The following ZNF286A variants were observed in gnomAD, a reference collection of about 807,000 sequenced individuals.
The protein encoded by ZNF286A is zinc finger protein ZNF286.
Under a neutral mutation model 49.3 loss-of-function variants are expected in ZNF286A, and 34 were observed. That is an observed-to-expected ratio of 0.69 (90% CI 0.52 to 0.92). The LOEUF (loss-of-function observed/expected upper bound fraction) is 0.92, where lower values mean the gene tolerates loss of function less well. Ranked by LOEUF, ZNF286A falls within the 40% of genes least tolerant of loss-of-function variation. The probability of loss-of-function intolerance (pLI) is 0.00; values close to 1 mark genes in which losing one functional copy is unlikely to be tolerated. For missense variants in ZNF286A, 462 were observed against 600.2 expected (o/e 0.77, Z 2.41); for synonymous variants, 155 against 200.4 (o/e 0.77, Z 1.91).
At chr17:15,704,043 A>ATAAT (rs1989987517) in intron 3 of ZNF286A, among the ~76,000 whole-genome samples, 1 of 148,508 alleles carries the variant, frequency 6.7e-6, no homozygotes. Flanking sequence ...TCTTAAGGGA[A>ATAAT]TAATTCTCTT....
intron 5 of ZNF286A, 99 bp from the exon 6 acceptor site, chr17:15,715,960 A>G (rs776105608): frequency 6.4e-7 from 1 of 1,551,910 alleles, no homozygotes; most frequent in Admixed American, 2.0e-5. Context: ...TGCTCCTTGA[A>G]GGCATGCTTT....
chr17:15,704,069 T>TTA (rs1567703705), intron 3 of ZNF286A, among the ~76,000 whole-genome samples: 29 of 69,178 alleles, frequency 4.2e-4, no homozygotes, highest in African/African-American at 1.0e-3. Flanking sequence ...TATTATTATT[T>TTA]TTTTTTTTTT....
chr17:15,701,721 C>T (rs1989788758), intron 3 of ZNF286A, among the ~76,000 whole-genome samples: 1 of 152,178 alleles, frequency 6.6e-6, no homozygotes, highest in African/African-American at 2.4e-5. Flanking sequence ...TAAAGAGTTA[C>T]AGTTAGAATC....
chr17:15,717,490 C>A lies in ZNF286A; in HGVS notation c.*200C>A, dbSNP rs1004577471. 3.1e-6 allele frequency: 3 copies of A among 971,938 alleles called. No homozygotes were observed. The highest frequency in any genetic ancestry group is 3.4e-5 in the Admixed American group (1 of 29,804). 60.2% of individuals were successfully genotyped at this position (971,938 alleles called of 1,614,324 possible). The stretch of plus-strand genomic sequence containing the variant: ...TTTGATAATTATGAAATCTAGCCAG[C>A]GATTTCAAAATTTTAATCTCCAACG... On this transcript the variant is annotated 3_prime_UTR_variant, in exon 6 of 6. Transcript: ENST00000583566.
At chr17:15,709,491 CA>C (rs1185763484) in intron 5 of ZNF286A, among the ~76,000 whole-genome samples, 4 of 144,280 alleles carry the variant, frequency 2.8e-5, no homozygotes, top group Non-Finnish European at 3.0e-5. Context: ...GACTGTGTCT[CA>C]AAAAAAAAAC....
chr17:15,704,484 C>T, intron 3 of ZNF286A: 1 of 1,613,840 alleles, frequency 6.2e-7, no homozygotes, highest in Admixed American at 1.7e-5. Context: ...CCTCGGAGTT[C>T]TCCAAGAGCA....
intron 3 of ZNF286A, chr17:15,704,929 C>G (rs890598645): frequency 1.6e-5 from 25 of 1,567,240 alleles, no homozygotes; most frequent in Non-Finnish European, 2.1e-5. Flanking sequence ...GCGGGTCCCC[C>G]CGGCCCCCTT....
intron 3 of ZNF286A, chr17:15,704,262 C>T (rs1171686249): frequency 7.6e-5 from 122 of 1,606,158 alleles, no homozygotes; most frequent in Non-Finnish European, 1.0e-4. Context: ...GCTTCTTGTC[C>T]GTCTTTTTCT....
intron 5 of ZNF286A, among the ~76,000 whole-genome samples, chr17:15,715,152 CTCCCATGT>C (rs941028939): frequency 6.6e-6 from 1 of 151,938 alleles, no homozygotes; most frequent in Non-Finnish European, 1.5e-5. Flanking sequence ...TCTGCCCTCT[CTCCCATGT>C]TCTGATGTTT....
intron 3 of ZNF286A, among the ~76,000 whole-genome samples, chr17:15,702,858 C>G (rs1653330706): frequency 6.6e-6 from 1 of 152,372 alleles, no homozygotes; most frequent in East Asian, 1.9e-4. Flanking sequence ...AGGGCTCAAA[C>G]AAGAATGTTA....
At chr17:15,705,822 A>C (rs972599009) in intron 3 of ZNF286A, among the ~76,000 whole-genome samples, 12 of 152,172 alleles carry the variant, frequency 7.9e-5, no homozygotes, top group Non-Finnish European at 1.8e-4. Context: ...TTTATACCTA[A>C]ATATTTATGA....
chr17:15,714,965 A>G (rs958023241), intron 5 of ZNF286A, among the ~76,000 whole-genome samples: 2 of 151,892 alleles, frequency 1.3e-5, no homozygotes, highest in African/African-American at 2.4e-5. Context: ...CCACCTTCAT[A>G]TTATCTTTAA....
In ZNF286A at chr17:15,715,431, A is replaced by G. The variant is rs537338702; in HGVS notation, c.335-628A>G. On this transcript the variant is annotated intron_variant, in intron 5 of 5. Transcript: ENST00000583566. ...ATTGTTTGTATCCACTATATGTTCA[A>G]TCATTTCTGTATAGTAGGATATGTG... Among the ~76,000 whole-genome samples, 3 of 152,178 alleles carry G rather than the reference A, an allele frequency of 2.0e-5. No homozygotes were observed. In the East Asian group the frequency reaches 5.8e-4, roughly 29 times the overall value.
In ZNF286A at chr17:15,708,634, C is replaced by T. The variant is rs545736709; in HGVS notation, c.334+387C>T. Among the ~76,000 whole-genome samples, 6 of 152,334 alleles carry T rather than the reference C, an allele frequency of 3.9e-5. No homozygotes were observed. In the East Asian group the frequency reaches 1.2e-3, roughly 29 times the overall value. Reference sequence around the variant, plus strand: ...CCCTGTTTCAGGACCCTCCCTTCTCCCAAGGGTCACCTTATCCTAACTTAT... The same window carrying T: ...CCCTGTTTCAGGACCCTCCCTTCTCTCAAGGGTCACCTTATCCTAACTTAT... On this transcript the variant is annotated intron_variant, in intron 5 of 5. Coordinates refer to ENST00000583566, the MANE Select transcript of ZNF286A (RefSeq NM_001130842.2).
chr17:15,714,429 C>T (rs922326645), intron 5 of ZNF286A, among the ~76,000 whole-genome samples: 2 of 152,116 alleles, frequency 1.3e-5, no homozygotes, highest in Non-Finnish European at 2.9e-5. Context: ...CCTCTACCTA[C>T]CTATACAAGC....
chr17:15,701,201 G>C lies in ZNF286A; in HGVS notation c.87G>C (p.Glu29Asp), dbSNP rs1250659457. 4.3e-6 allele frequency: 7 copies of C among 1,614,040 alleles called. No individual in the cohort carries two copies. The highest frequency in any genetic ancestry group is 5.1e-6 in the Non-Finnish European group (6 of 1,180,044). ...SPHFQEKSTE[E>D]GEVAALRLTA... ...ATTTCCAAGAGAAGAGCACAGAAGA[G>C]GGAGAAGTGGCTGCTCTGCGCCTCA... Residue 29 changes from glutamate (E) to aspartate (D), a missense_variant, in exon 3 of 6, where the codon GAG (glutamate) becomes GAC (aspartate). Glu to Asp is a conservative substitution (Grantham distance 45). Around this residue, in one of 3 missense-constraint regions of ZNF286A, gnomAD observed 259 missense variants for 272.2 expected, o/e 0.95. Transcript: ENST00000583566.
chr17:15,702,595 A>G (rs910352163), intron 3 of ZNF286A, among the ~76,000 whole-genome samples: 2 of 152,230 alleles, frequency 1.3e-5, no homozygotes, highest in Admixed American at 6.5e-5. Flanking sequence ...AGATTCCTCA[A>G]TCAGCCTTTC....
At chr17:15,699,874 T>C in intron 1 of ZNF286A, 97 bp downstream of exon 1, 2 of 701,276 alleles carry the variant, frequency 2.9e-6, no homozygotes, top group East Asian at 5.4e-5. Context: ...TGCGCGTTTG[T>C]TAAAGGGGCC....
rs752447639 is a variant in ZNF286A at position 15,716,242 on chromosome 17, T to C, written c.518T>C (p.Leu173Ser). Reference protein sequence around the residue: ...ENQQGNQERHLREMFTHMNSL... With the variant: ...ENQQGNQERHSREMFTHMNSL... Reference sequence around the variant, plus strand: ...CAGCAAGGAAATCAGGAGAGACATTTGAGAGAAATGTTCACTCACATGAAT... The same window carrying C: ...CAGCAAGGAAATCAGGAGAGACATTCGAGAGAAATGTTCACTCACATGAAT... The change falls in exon 6 of 6, where the codon TTG becomes TCG. Residue 173 changes from leucine (L) to serine (S), a missense_variant. Transcript: ENST00000583566. The C allele has an allele frequency of 5.0e-6, 8 of 1,613,900 alleles. No homozygotes were observed. Among genetic ancestry groups the C allele is most frequent in the Non-Finnish European group, 6.8e-6 (8 of 1,179,826 alleles).
Sources: allele counts gnomAD v4.1 joint callset (sites outside exome capture counted in the v4.1 genomes callset), GRCh38; gene constraint gnomAD v4.1.1; regional missense constraint gnomAD v4.1.1; transcripts MANE v1.5; gene names NCBI Gene and HGNC (gene_info 2026-07-23, HGNC 2026-07-21).